PDCD6IP: variants seen among roughly 807,000 people sequenced by gnomAD.
The protein encoded by PDCD6IP is programmed cell death 6-interacting protein.
PDCD6IP carries 43 observed loss-of-function variants against 103.7 expected under a neutral mutation model. The ratio of observed to expected loss-of-function variants is 0.41; its 90% CI spans 0.32 to 0.53. PDCD6IP has a LOEUF of 0.53. PDCD6IP is among the 20% of genes least tolerant of loss of function. The pLI is 0.16. For missense variants in PDCD6IP, 871 were observed against 1,036.7 expected (o/e 0.84, Z 2.20); for synonymous variants, 354 against 378.7 (o/e 0.93, Z 0.76).
intron 1 of PDCD6IP, among the ~76,000 whole-genome samples, chr3:33,801,384 T>TA (rs796751118): frequency 4.6e-5 from 7 of 152,378 alleles, no homozygotes; most frequent in African/African-American, 1.7e-4. Flanking sequence ...TAAGTCCTGA[T>TA]ATGCAGCTCC....
intron 1 of PDCD6IP, chr3:33,799,309 T>C: frequency 4.9e-6 from 1 of 205,704 alleles, no homozygotes; most frequent in Non-Finnish European, 9.7e-6. Context: ...TCCATCACTG[T>C]CTTTCTTGGG....
intron 15 of PDCD6IP, among the ~76,000 whole-genome samples, chr3:33,857,443 C>T (rs1296205457): frequency 6.6e-6 from 1 of 151,670 alleles, no homozygotes; most frequent in Admixed American, 6.6e-5. Context: ...GGGTGAGCCA[C>T]CCCCCCAGCC....
In PDCD6IP at chr3:33,830,902, C is replaced by T. The variant is rs542633255; in HGVS notation, c.834+1933C>T. Among the ~76,000 whole-genome samples, 12 of 152,234 alleles carry T rather than the reference C, an allele frequency of 7.9e-5. No individual in the cohort carries two copies. In the East Asian group the frequency reaches 1.5e-3, roughly 20 times the overall value. On this transcript the variant is annotated intron_variant, in intron 7 of 17. Coordinates refer to ENST00000307296, the MANE Select transcript of PDCD6IP (RefSeq NM_013374.6). The stretch of plus-strand genomic sequence containing the variant: ...AGAGAATAATACCCCATGATTCTGA[C>T]GGAGATCTTAGGAGGTCACACTATT...
At chr3:33,850,504 T>A (rs547983321) in intron 12 of PDCD6IP, among the ~76,000 whole-genome samples, 1 of 152,108 alleles carries the variant, frequency 6.6e-6, no homozygotes, top group South Asian at 2.1e-4. Context: ...ACTGATTTTC[T>A]TTTTGCAAGA....
At chr3:33,864,222 C>A in intron 16 of PDCD6IP, 93 bp downstream of exon 16, 1 of 775,386 alleles carries the variant, frequency 1.3e-6, no homozygotes, top group Non-Finnish European at 2.2e-6. Context: ...TAGGAAGGAT[C>A]TAGTGGTTAC....
intron 5 of PDCD6IP, 31 bp downstream of exon 5, chr3:33,825,371 GA>G: frequency 9.1e-6 from 14 of 1,539,272 alleles, no homozygotes; most frequent in Non-Finnish European, 1.2e-5. Flanking sequence ...TGTTGCATGT[GA>G]AAAAAAGTGA....
chr3:33,820,011 C>T lies in PDCD6IP; in HGVS notation c.335-1944C>T, dbSNP rs559725996. Reference sequence around the variant, plus strand: ...AAATGATAACTTCACAGACTGGGGGCGGTGGCTTATGCCTGTAATCCCAGC... The same window carrying T: ...AAATGATAACTTCACAGACTGGGGGTGGTGGCTTATGCCTGTAATCCCAGC... On this transcript the variant is annotated intron_variant, in intron 3 of 17. Coordinates refer to ENST00000307296, the MANE Select transcript of PDCD6IP (RefSeq NM_013374.6). Among the ~76,000 whole-genome samples, 5 of 152,178 alleles carry T rather than the reference C, an allele frequency of 3.3e-5. No homozygotes were observed. The South Asian group carries it at 6.2e-4, about 19-fold the overall frequency.
intron 9 of PDCD6IP, among the ~76,000 whole-genome samples, chr3:33,841,596 G>A (rs1335265537): frequency 2.0e-5 from 3 of 150,686 alleles, no homozygotes; most frequent in South Asian, 2.1e-4. Context: ...CCGCCACCAC[G>A]CCCGGCTAAT....
At chr3:33,814,327 G>A (rs1055982892) in intron 3 of PDCD6IP, among the ~76,000 whole-genome samples, 1 of 151,706 alleles carries the variant, frequency 6.6e-6, no homozygotes, top group Non-Finnish European at 1.5e-5. Flanking sequence ...TAGAGACGGG[G>A]TTTCACCATG....
intron 14 of PDCD6IP, 60 bp downstream of exon 14, chr3:33,854,073 G>A: frequency 6.7e-7 from 1 of 1,488,422 alleles, no homozygotes; most frequent in Non-Finnish European, 8.9e-7. Context: ...CGCATAGTTT[G>A]GAAGTTAAGT....
chr3:33,800,095 G>C (rs1384744543), intron 1 of PDCD6IP, among the ~76,000 whole-genome samples: 1 of 139,920 alleles, frequency 7.1e-6, no homozygotes, highest in Non-Finnish European at 1.5e-5. Flanking sequence ...ACTCCAGCCT[G>C]GGCGACAGAG....
intron 12 of PDCD6IP, among the ~76,000 whole-genome samples, chr3:33,850,634 G>T (rs1412822411): frequency 6.6e-6 from 1 of 152,038 alleles, no homozygotes; most frequent in South Asian, 2.1e-4. Context: ...GCAGCATACT[G>T]TATATGCTTT....
chr3:33,833,573 C>A (rs745565490), intron 7 of PDCD6IP, among the ~76,000 whole-genome samples: 2 of 151,998 alleles, frequency 1.3e-5, no homozygotes, highest in Non-Finnish European at 2.9e-5. Flanking sequence ...TATTCTTTTG[C>A]TATTTGGCTA....
intron 1 of PDCD6IP, among the ~76,000 whole-genome samples, chr3:33,809,876 A>G (rs1232991633): frequency 1.3e-5 from 2 of 152,000 alleles, no homozygotes. Context: ...TTTTCTTGTG[A>G]TTTCTGCATT....
chr3:33,861,397 T>C (rs906089186), intron 15 of PDCD6IP, among the ~76,000 whole-genome samples: 2 of 152,178 alleles, frequency 1.3e-5, no homozygotes, highest in African/African-American at 4.8e-5. Context: ...CGCCTCGGCC[T>C]CCCAAAGTGC....
chr3:33,849,540 T>A lies in PDCD6IP; in HGVS notation c.1642-2948T>A, dbSNP rs1278839901. Among the ~76,000 whole-genome samples, 5 of 152,376 alleles carry A rather than the reference T, an allele frequency of 3.3e-5. No individual in the cohort carries two copies. The South Asian group carries it at 1.0e-3, about 32-fold the overall frequency. ...GGTACCCAAAACAAAAGTATTTGTT[T>A]GAATGATCATCACTGGCAGCCTAAC... is the stretch of plus-strand genomic sequence containing the variant. On this transcript the variant is annotated intron_variant, in intron 12 of 17. Coordinates refer to ENST00000307296, the MANE Select transcript of PDCD6IP (RefSeq NM_013374.6).
intron 1 of PDCD6IP, among the ~76,000 whole-genome samples, chr3:33,804,109 C>T (rs147563443): frequency 4.6e-5 from 7 of 152,240 alleles, no homozygotes; most frequent in Admixed American, 2.6e-4. Context: ...CCTTGTCCCA[C>T]GGCCATGAAA....
intron 12 of PDCD6IP, 57 bp from the exon 13 acceptor site, chr3:33,852,431 A>C: frequency 1.4e-6 from 2 of 1,441,390 alleles, no homozygotes; most frequent in Non-Finnish European, 1.8e-6. Flanking sequence ...TCCTTCTCGA[A>C]ATTGGCTTTT....
intron 6 of PDCD6IP, chr3:33,826,862 C>G: frequency 8.4e-7 from 1 of 1,188,998 alleles, no homozygotes; most frequent in Non-Finnish European, 1.0e-6. Flanking sequence ...ATACTTTTAT[C>G]AAATCAAGGC....
Sources: gnomAD v4.1 joint callset for allele counts (sites outside exome capture counted in the v4.1 genomes callset) on GRCh38, gnomAD v4.1.1 for gene constraint, MANE v1.5 for transcripts, NCBI Gene and HGNC (gene_info 2026-07-23, HGNC 2026-07-21) for gene names.